The following FBXL17 variants were observed in gnomAD, a reference collection of about 807,000 sequenced individuals.
FBXL17 encodes the protein F-box and leucine rich repeat protein 17.
In FBXL17, 22 loss-of-function variants were observed where a neutral mutation model predicts 66.2. That is an observed-to-expected ratio of 0.33 (90% CI 0.24 to 0.47). The LOEUF is 0.47. Among genes scored for constraint, FBXL17 ranks in the 20% least tolerant of loss-of-function variants. The pLI is 1.00. For missense variants in FBXL17, 878 were observed against 948.2 expected (o/e 0.93, Z 0.97); for synonymous variants, 474 against 400.5 (o/e 1.18, Z -2.19).
At chr5:108,308,261 A>C (rs6878681) in intron 4 of FBXL17, among the ~76,000 whole-genome samples, 1 of 152,118 alleles carries the variant, frequency 6.6e-6, no homozygotes, top group Non-Finnish European at 1.5e-5. Flanking sequence ...AATAACAATA[A>C]CAAGTAATGG....
At chr5:108,283,662 A>G (rs1169748019) in intron 4 of FBXL17, among the ~76,000 whole-genome samples, 1 of 152,024 alleles carries the variant, frequency 6.6e-6, no homozygotes, top group Non-Finnish European at 1.5e-5. Context: ...AGAGGCAACA[A>G]AAACAAAAAG....
intron 7 of FBXL17, among the ~76,000 whole-genome samples, chr5:107,949,084 A>G (rs1217131203): frequency 6.6e-6 from 1 of 151,860 alleles, no homozygotes; most frequent in Non-Finnish European, 1.5e-5. Flanking sequence ...GGCTTAGGGC[A>G]TTTTCACAGT....
chr5:108,336,229 G>T (rs1379178296), intron 4 of FBXL17, among the ~76,000 whole-genome samples: 1 of 152,100 alleles, frequency 6.6e-6, no homozygotes, highest in Non-Finnish European at 1.5e-5. Context: ...CCTCTGCGTG[G>T]TGTATTACTC....
intron 7 of FBXL17, among the ~76,000 whole-genome samples, chr5:108,017,044 G>C (rs1310664172): frequency 6.6e-6 from 1 of 152,126 alleles, no homozygotes; most frequent in East Asian, 1.9e-4. Context: ...CTCCCAAAGT[G>C]CTGGGATTAC....
chr5:108,118,909 A>T (rs1580466723), intron 6 of FBXL17, among the ~76,000 whole-genome samples: 2 of 151,098 alleles, frequency 1.3e-5, no homozygotes, highest in African/African-American at 4.9e-5. Flanking sequence ...CTCCCAAAAA[A>T]CTCCTAACTC....
intron 7 of FBXL17, among the ~76,000 whole-genome samples, chr5:107,933,668 A>G (rs1455239176): frequency 6.6e-6 from 1 of 151,972 alleles, no homozygotes; most frequent in Non-Finnish European, 1.5e-5. Context: ...CTTTTTACCA[A>G]TTTGTCTTTG....
chr5:107,997,020 T>C (rs1753500379), intron 7 of FBXL17, among the ~76,000 whole-genome samples: 1 of 152,188 alleles, frequency 6.6e-6, no homozygotes, highest in Non-Finnish European at 1.5e-5. Flanking sequence ...AACCAGTTAA[T>C]ATCAGGGCTG....
chr5:108,194,175 T>G (rs938343170), intron 5 of FBXL17, among the ~76,000 whole-genome samples: 1 of 152,148 alleles, frequency 6.6e-6, no homozygotes, highest in African/African-American at 2.4e-5. Context: ...TTAAGCCAAC[T>G]GGGATCTCTT....
chr5:108,009,224 T>G (rs867558121), intron 7 of FBXL17, among the ~76,000 whole-genome samples: 1 of 66,688 alleles, frequency 1.5e-5, no homozygotes, highest in Non-Finnish European at 3.0e-5. Context: ...TATATATATA[T>G]ATATATATAC....
intron 7 of FBXL17, among the ~76,000 whole-genome samples, chr5:107,922,713 C>G (rs926425937): frequency 6.6e-6 from 1 of 152,188 alleles, no homozygotes; most frequent in Non-Finnish European, 1.5e-5. Flanking sequence ...CCGGCTACTT[C>G]ATATTCAGTC....
At chr5:108,110,790 G>C (rs917858698) in intron 6 of FBXL17, among the ~76,000 whole-genome samples, 1 of 150,952 alleles carries the variant, frequency 6.6e-6, no homozygotes, top group African/African-American at 2.4e-5. Context: ...TTTTCACAGT[G>C]CCATTATTTG....
In FBXL17 at chr5:107,913,600, T is replaced by C. The variant is rs76431607; in HGVS notation, c.1823-32421A>G. 2.3e-3 allele frequency among the ~76,000 whole-genome samples: 347 copies of C among 152,094 alleles called. 2 individuals carry two copies. Among genetic ancestry groups the C allele is most frequent in the East Asian group, 0.011 (56 of 5,150 alleles). ...GAGAATTTTTGAACTTTAAGTGAAG[T>C]AGGTCCACCAACTCTTGACTGCACT... On this transcript the variant is annotated intron_variant, in intron 7 of 8. Transcript: ENST00000542267.
At chr5:108,145,821 CAATAATAATAAT>C (rs139233106) in intron 6 of FBXL17, among the ~76,000 whole-genome samples, 7 of 146,154 alleles carry the variant, frequency 4.8e-5, no homozygotes, top group Non-Finnish European at 9.0e-5. Context: ...GTTGCCTAAA[CAATAATAATAAT>C]AATAATAATA....
At chr5:107,963,649 T>C (rs1752006108) in intron 7 of FBXL17, among the ~76,000 whole-genome samples, 1 of 152,154 alleles carries the variant, frequency 6.6e-6, no homozygotes, top group Admixed American at 6.6e-5. Flanking sequence ...TGATAAAGTA[T>C]GTAAAATACT....
intron 7 of FBXL17, among the ~76,000 whole-genome samples, chr5:107,966,617 A>C (rs143396895): frequency 6.6e-6 from 1 of 152,258 alleles, no homozygotes; most frequent in African/African-American, 2.4e-5. Flanking sequence ...ACCTGGAAGC[A>C]TTTTTGTTCG....
At chr5:108,255,021 C>G (rs947182241) in intron 4 of FBXL17, among the ~76,000 whole-genome samples, 4 of 152,080 alleles carry the variant, frequency 2.6e-5, no homozygotes, top group African/African-American at 9.7e-5. Flanking sequence ...AGGGCTCATA[C>G]AACTTGATGG....
At chr5:108,105,120 C>G (rs577974597) in intron 6 of FBXL17, among the ~76,000 whole-genome samples, 42 of 152,150 alleles carry the variant, frequency 2.8e-4, no homozygotes, top group African/African-American at 9.9e-4. Context: ...GGATTACAGG[C>G]GTGAGCCACC....
chr5:108,006,815 AC>A (rs1278420004), intron 7 of FBXL17, among the ~76,000 whole-genome samples: 1 of 152,224 alleles, frequency 6.6e-6, no homozygotes, highest in Non-Finnish European at 1.5e-5. Context: ...AAAATCCTTT[AC>A]TATGTACTTC....
intron 7 of FBXL17, among the ~76,000 whole-genome samples, chr5:108,008,805 C>T (rs1580320815): frequency 6.6e-6 from 1 of 152,130 alleles, no homozygotes; most frequent in East Asian, 1.9e-4. Context: ...CTTCATAAGG[C>T]TGACTTCGGA....
Sources: allele counts gnomAD v4.1 joint callset (sites outside exome capture counted in the v4.1 genomes callset), GRCh38; gene constraint gnomAD v4.1.1; transcripts MANE v1.5; gene names NCBI Gene and HGNC (gene_info 2026-07-23, HGNC 2026-07-21).